SUPT16H: variants seen among roughly 807,000 people sequenced by gnomAD.
SUPT16H encodes the protein FACT complex subunit SPT16.
A neutral mutation model predicts 136.2 loss-of-function variants in SUPT16H; 24 were observed. The observed-to-expected ratio is 0.18, with a 90% CI of 0.13 to 0.25. SUPT16H has a LOEUF of 0.25. Ranked by LOEUF, SUPT16H falls within the 10% of genes least tolerant of loss-of-function variation. The probability of loss-of-function intolerance (pLI) is 1.00; values close to 1 mark genes in which losing one functional copy is unlikely to be tolerated. For synonymous variants in SUPT16H, 415 were observed against 428.2 expected, an observed-to-expected ratio of 0.97 and a Z score of 0.38; for missense variants, 623 against 1,270.2, an observed-to-expected ratio of 0.49 and a Z score of 7.74.
At position 21,366,445 on chromosome 14, in the gene SUPT16H, T is replaced by C; in HGVS notation, c.1040A>G (p.Asn347Ser). Residue 347 changes from asparagine (N) to serine (S), a missense_variant, in exon 8 of 26, where the codon AAC becomes AGC. This residue lies in a region of SUPT16H where 343 missense variants were observed against 525.7 expected (regional missense o/e 0.65). Transcript: ENST00000216297. The stretch of plus-strand genomic sequence containing the variant: ...AATAGACATCATGGCATACCCTAGG[T>C]TTTTGGTAATTTTGTTCAGCAGTTC... ...KPELLNKITK[N>S]LGFGMGIEFR... The C allele has an allele frequency of 6.2e-7, 1 of 1,613,808 alleles. No individual in the cohort carries two copies. The highest frequency in any genetic ancestry group is 8.5e-7 in the Non-Finnish European group (1 of 1,179,892).
intron 18 of SUPT16H, 52 bp from the exon 19 acceptor site, chr14:21,359,661 G>A (rs1886509210): frequency 6.3e-7 from 1 of 1,590,086 alleles, no homozygotes; most frequent in African/African-American, 1.3e-5. Flanking sequence ...AAAGGTATCT[G>A]TGATGGAAAT....
intron 6 of SUPT16H, 72 bp from the exon 7 acceptor site, chr14:21,368,513 G>T (rs1594305330): frequency 2.1e-6 from 3 of 1,442,432 alleles, no homozygotes; most frequent in Admixed American, 4.6e-5. Flanking sequence ...ATGGGACACG[G>T]TATCAATAAT....
intron 5 of SUPT16H, 53 bp from the exon 6 acceptor site, chr14:21,369,408 GGT>G: frequency 6.2e-7 from 1 of 1,606,742 alleles, no homozygotes; most frequent in East Asian, 2.2e-5. Flanking sequence ...AGCAAAGCGG[GGT>G]GTGTGGACAC....
chr14:21,374,859 C>G (rs1886867743), intron 1 of SUPT16H, among the ~76,000 whole-genome samples: 1 of 152,176 alleles, frequency 6.6e-6, no homozygotes, highest in Non-Finnish European at 1.5e-5. Flanking sequence ...CATATGGTAA[C>G]TTTTCGAGGA....
chr14:21,377,496 A>C (rs1236276893), intron 1 of SUPT16H, among the ~76,000 whole-genome samples: 1 of 152,248 alleles, frequency 6.6e-6, no homozygotes, highest in African/African-American at 2.4e-5. Context: ...ACTTTGGTTA[A>C]CTATATTATT....
Position 21,353,942 on chromosome 14 carries a change from C to G in SUPT16H, c.2791-110G>C, listed in dbSNP as rs1886376039. The stretch of plus-strand genomic sequence containing the variant: ...AGTATTTACATGAAGAAAACAAGAG[C>G]AAAATAATCTGAGGGATCAAGAGAT... On this transcript the variant is annotated intron_variant, in intron 23 of 25. Coordinates refer to ENST00000216297, the MANE Select transcript of SUPT16H (RefSeq NM_007192.4). 4.9e-6 allele frequency: 5 copies of G among 1,028,020 alleles called. No individual in the cohort carries two copies. In the East Asian group the frequency reaches 1.3e-4, roughly 26 times the overall value. The allele number at this position is 1,028,020 out of a possible 1,614,324, so 63.7% of individuals were successfully genotyped here.
chr14:21,360,578 G>T, intron 17 of SUPT16H, 45 bp from the exon 18 acceptor site: 1 of 1,519,322 alleles, frequency 6.6e-7, no homozygotes, highest in Non-Finnish European at 9.1e-7. Flanking sequence ...AATTAAGTTA[G>T]GCCAAAAGGC....
intron 7 of SUPT16H, 106 bp downstream of exon 7, chr14:21,368,163 C>A: frequency 8.5e-7 from 1 of 1,180,360 alleles, no homozygotes; most frequent in Non-Finnish European, 1.2e-6. Context: ...AAGTGATCCT[C>A]CTGCCTCGGC....
At chr14:21,357,772 G>A (rs1886465702) in intron 21 of SUPT16H, among the ~76,000 whole-genome samples, 155 bp downstream of exon 21, 1 of 152,150 alleles carries the variant, frequency 6.6e-6, no homozygotes, top group Non-Finnish European at 1.5e-5. Flanking sequence ...CATTATGCCT[G>A]CCCTAAAGAG....
chr14:21,368,201 C>T (rs1886711877), intron 7 of SUPT16H, 68 bp downstream of exon 7: 10 of 1,521,706 alleles, frequency 6.6e-6, no homozygotes, highest in Non-Finnish European at 8.9e-6. Flanking sequence ...ACAGGTGTGA[C>T]CCACAGCTCC....
intron 1 of SUPT16H, among the ~76,000 whole-genome samples, chr14:21,381,118 A>T (rs1222752080): frequency 6.6e-6 from 1 of 152,030 alleles, no homozygotes; most frequent in Non-Finnish European, 1.5e-5. Context: ...GTCATAAAAC[A>T]ATAGTACGTT....
chr14:21,381,206 T>TA (rs1887015809), intron 1 of SUPT16H, among the ~76,000 whole-genome samples: 1 of 152,200 alleles, frequency 6.6e-6, no homozygotes, highest in Non-Finnish European at 1.5e-5. Context: ...ATACAGGGCT[T>TA]AATATTTTTG....
intron 2 of SUPT16H, among the ~76,000 whole-genome samples, chr14:21,373,003 G>C (rs113811357): frequency 2.0e-5 from 3 of 152,134 alleles, no homozygotes; most frequent in Admixed American, 6.5e-5. Context: ...GAGTGCAATG[G>C]TGCAATCTTG....
At chr14:21,375,257 G>GC (rs71112581) in intron 1 of SUPT16H, among the ~76,000 whole-genome samples, 122,359 of 151,894 alleles carry the variant, frequency 0.81, 50,733 homozygotes, top group South Asian at 0.91. Context: ...CAAGTGATCC[G>GC]CCCCCACTTG....
rs550965355 is a variant in SUPT16H at position 21,360,546 on chromosome 14, AT to A, written c.2057-14del. The stretch of plus-strand genomic sequence containing the variant: ...GTGAAGCGGAAGCCTGGGGAAAAGA[AT>A]GAAGAAATGTCAAGCAGTATAATTA... On this transcript the variant is annotated splice_polypyrimidine_tract_variant and intron_variant, in intron 17 of 25. Transcript: ENST00000216297. The A allele has an allele frequency of 8.5e-5, 136 of 1,599,004 alleles. 2 individuals are homozygous for A. In the South Asian group the frequency reaches 1.4e-3, roughly 17 times the overall value.
chr14:21,360,721 C>T, intron 17 of SUPT16H, 125 bp downstream of exon 17: 1 of 1,396,546 alleles, frequency 7.2e-7, no homozygotes, highest in Non-Finnish European at 9.8e-7. Context: ...ACTTTATTAG[C>T]ACCATGCTTT....
intron 21 of SUPT16H, 91 bp from the exon 22 acceptor site, chr14:21,357,457 A>G: frequency 1.5e-6 from 2 of 1,315,504 alleles, no homozygotes; most frequent in Non-Finnish European, 2.0e-6. Context: ...ATCACTACAT[A>G]AAAGATAACT....
At chr14:21,358,827 G>A (rs956243420) in intron 19 of SUPT16H, among the ~76,000 whole-genome samples, 2 of 151,318 alleles carry the variant, frequency 1.3e-5, no homozygotes, top group African/African-American at 2.5e-5. Context: ...TTTATTTTTG[G>A]AGATGGAGTC....
Position 21,372,050 on chromosome 14 carries a change from G to A in SUPT16H, c.160-6C>T. The A allele has an allele frequency of 6.2e-7, 1 of 1,605,004 alleles. No homozygotes were observed. The highest frequency in any genetic ancestry group is 2.2e-5 in the East Asian group (1 of 44,710). On this transcript the variant is annotated splice_polypyrimidine_tract_variant and splice_region_variant and intron_variant, in intron 2 of 25. Coordinates refer to ENST00000216297, the MANE Select transcript of SUPT16H (RefSeq NM_007192.4). ...TCATAACCAAAGAGCCATGTCTATG[G>A]AAAAAGACAACAGTGACAACGGTAT... is the stretch of plus-strand genomic sequence containing the variant.
Sources: gnomAD v4.1 joint callset for allele counts (sites outside exome capture counted in the v4.1 genomes callset) on GRCh38, gnomAD v4.1.1 for gene constraint, gnomAD v4.1.1 regional missense constraint, MANE v1.5 for transcripts, NCBI Gene and HGNC (gene_info 2026-07-23, HGNC 2026-07-21) for gene names.